The following TBX5 variants were observed in gnomAD, a reference collection of about 807,000 sequenced individuals.
TBX5 encodes the protein T-box transcription factor 5, also known as T-box transcription factor TBX5.
A neutral mutation model predicts 51.1 loss-of-function variants in TBX5; 8 were observed. That is an observed-to-expected ratio of 0.16 (90% CI 0.09 to 0.28). The LOEUF (loss-of-function observed/expected upper bound fraction) is 0.28, where lower values mean the gene tolerates loss of function less well. Among genes scored for constraint, TBX5 ranks in the 10% least tolerant of loss-of-function variants. The pLI is 1.00. For missense variants in TBX5, 589 were observed against 671.7 expected, an observed-to-expected ratio of 0.88 and a Z score of 1.36; for synonymous variants, 302 against 266.4, an observed-to-expected ratio of 1.13 and a Z score of -1.30.
Position 114,403,879 on chromosome 12 carries a change from C to T in TBX5, c.20G>A (p.Gly7Asp), listed in dbSNP as rs751312844. The change falls in exon 2 of 9, where the codon GGC (glycine) becomes GAC (aspartate). Residue 7 changes from glycine to aspartate, a missense_variant. Around this residue, in one of 7 missense-constraint regions of TBX5, gnomAD observed 101 missense variants for 83.3 expected, o/e 1.21. Coordinates refer to ENST00000405440, the MANE Select transcript of TBX5 (RefSeq NM_181486.4). MADADE[G>D]FGLAHTPLEP... ...CAGAGGCGTGTGCGCCAGGCCAAAGCCCTCGTCTGCGTCGGCCATGGTGCG... is the reference window on the plus strand; with the variant it reads ...CAGAGGCGTGTGCGCCAGGCCAAAGTCCTCGTCTGCGTCGGCCATGGTGCG... The T allele has an allele frequency of 6.2e-7, 1 of 1,613,188 alleles. No individual in the cohort carries two copies. Among genetic ancestry groups the T allele is most frequent in the South Asian group, 1.1e-5 (1 of 91,070 alleles).
At chr12:114,361,666 A>G (rs1869248846) in intron 8 of TBX5, among the ~76,000 whole-genome samples, 1 of 152,212 alleles carries the variant, frequency 6.6e-6, no homozygotes, top group South Asian at 2.1e-4. Context: ...AAGGAGACAG[A>G]CAATGAGGGG....
intron 3 of TBX5, among the ~76,000 whole-genome samples, chr12:114,400,633 G>T (rs964762872): frequency 1.3e-5 from 2 of 152,192 alleles, no homozygotes; most frequent in Admixed American, 1.3e-4. Context: ...GAGCGAGCGC[G>T]CCCGGAGGCG....
intron 7 of TBX5, among the ~76,000 whole-genome samples, chr12:114,381,375 G>T (rs368505471): frequency 6.6e-6 from 1 of 152,104 alleles, no homozygotes; most frequent in Non-Finnish European, 1.5e-5. Context: ...TGAGCCTGCC[G>T]TTCCTGCCTG....
rs761842850 is a variant in TBX5, at chr12:114,398,648, C to T, written c.435G>A (p.Gly145=). 6.2e-7 allele frequency: 1 copy of T among 1,613,444 alleles called. No homozygotes were observed. The highest frequency in any genetic ancestry group is 1.1e-5 in the South Asian group (1 of 90,752). ...LYVHPDSPAT[G]AHWMRQLVSF... ...AGACGAGCTGCCTCATCCAATGCGC[C>T]CCGGTGGCGGGGGAGTCTGGGTGCA... The change falls in exon 5 of 9, where the codon GGG becomes GGA. Residue 145 remains glycine, a synonymous_variant. Transcript: ENST00000405440.
intron 8 of TBX5, among the ~76,000 whole-genome samples, chr12:114,365,843 A>AG (rs1191961927): frequency 2.6e-4 from 39 of 151,214 alleles, no homozygotes; most frequent in African/African-American, 8.7e-4. Flanking sequence ...AAAAAAAAAA[A>AG]AAGAAAAAAA....
At chr12:114,405,351 C>T (rs988052393) in intron 1 of TBX5, among the ~76,000 whole-genome samples, 1 of 152,196 alleles carries the variant, frequency 6.6e-6, no homozygotes, top group African/African-American at 2.4e-5. Context: ...TACCCCGCGC[C>T]CTCGCCAGGG....
At chr12:114,402,019 G>A (rs567634329) in intron 2 of TBX5, 99 bp from the exon 3 acceptor site, 17 of 1,063,976 alleles carry the variant, frequency 1.6e-5, no homozygotes, top group African/African-American at 1.2e-4. Flanking sequence ...CCTCCTTCCC[G>A]CTGGAGCCTG....
chr12:114,400,477 C>A (rs74461056), intron 3 of TBX5, among the ~76,000 whole-genome samples: 6,243 of 152,326 alleles, frequency 0.041, 438 homozygotes, highest in African/African-American at 0.14. Context: ...GAGGAACATG[C>A]CCCAGAAAGC....
chr12:114,395,504 A>G (rs1015285719), intron 5 of TBX5, among the ~76,000 whole-genome samples: 1 of 152,148 alleles, frequency 6.6e-6, no homozygotes, highest in Non-Finnish European at 1.5e-5. Flanking sequence ...AGTTCGTGAA[A>G]AGAGAAGATA....
chr12:114,400,721 G>T (rs367732059), intron 3 of TBX5, among the ~76,000 whole-genome samples: 2 of 152,348 alleles, frequency 1.3e-5, no homozygotes, highest in East Asian at 3.9e-4. Flanking sequence ...GGACTCGGAC[G>T]TGTCTTTCCT....
chr12:114,376,516 A>G (rs768839833), intron 7 of TBX5, among the ~76,000 whole-genome samples: 2 of 152,154 alleles, frequency 1.3e-5, no homozygotes, highest in Admixed American at 1.3e-4. Context: ...GATATAGGTC[A>G]AAGGCATTTG....
chr12:114,388,512 C>CTGT (rs1593869349), intron 6 of TBX5, among the ~76,000 whole-genome samples: 1 of 152,092 alleles, frequency 6.6e-6, no homozygotes, highest in East Asian at 1.9e-4. Context: ...GGGTCTCACT[C>CTGT]TGTTACCCAG....
intron 8 of TBX5, among the ~76,000 whole-genome samples, chr12:114,364,722 C>T (rs1869419433): frequency 6.6e-6 from 1 of 152,174 alleles, no homozygotes; most frequent in Non-Finnish European, 1.5e-5. Flanking sequence ...CGATATCTGC[C>T]ACATACCCAA....
At chr12:114,380,726 C>A (rs563250528) in intron 7 of TBX5, among the ~76,000 whole-genome samples, 1 of 152,064 alleles carries the variant, frequency 6.6e-6, no homozygotes, top group African/African-American at 2.4e-5. Flanking sequence ...CTACTTCAGA[C>A]GCTAAGGCAG....
chr12:114,360,243 C>T (rs1869155441), intron 8 of TBX5, among the ~76,000 whole-genome samples: 1 of 152,182 alleles, frequency 6.6e-6, no homozygotes, highest in South Asian at 2.1e-4. Context: ...AAGCAGTGCT[C>T]ATTCTGACAG....
At chr12:114,386,978 C>T (rs1870851815) in intron 6 of TBX5, among the ~76,000 whole-genome samples, 1 of 151,840 alleles carries the variant, frequency 6.6e-6, no homozygotes, top group Admixed American at 6.6e-5. Flanking sequence ...TGATGGCAGG[C>T]TCCTATAATC....
In TBX5 at chr12:114,398,704, C is replaced by A. The variant is rs1274219276; in HGVS notation, c.379G>T (p.Ala127Ser). The change falls in exon 5 of 9, where the codon GCT becomes TCT. Residue 127 changes from alanine to serine, a missense_variant. Physicochemically the swap from Ala to Ser is moderately conservative, Grantham distance 99. This residue lies in a region of TBX5 where 85 missense variants were observed against 95.6 expected (regional missense o/e 0.89). Transcript: ENST00000405440. ...AGGCGGCCAGGCATGGCGGGCTCAGCTTTGCCCGTCACAGACCTAGATGAA... is the reference window on the plus strand; with the variant it reads ...AGGCGGCCAGGCATGGCGGGCTCAGATTTGCCCGTCACAGACCTAGATGAA... ...ADNKWSVTGK[A>S]EPAMPGRLYV... The A allele has an allele frequency of 1.9e-6, 3 of 1,602,798 alleles. No homozygotes were observed. Among genetic ancestry groups the A allele is most frequent in the Admixed American group, 3.5e-5 (2 of 57,962 alleles).
In TBX5 at chr12:114,394,879, G is replaced by T. The variant is rs1242773276; in HGVS notation, c.525C>A (p.Ser175=). ...GTAATCTAGGCTGGTATTTGTGCAT[G>T]GAATTTAGAATAATCTAAAAATAAT... ...LDPFGHIILN[S]MHKYQPRLHI... Residue 175 remains serine, a synonymous_variant, in exon 6 of 9, where the codon TCC becomes TCA. Transcript: ENST00000405440. The T allele has an allele frequency of 5.6e-6, 9 of 1,613,774 alleles. No individual in the cohort carries two copies. In the Admixed American group the frequency reaches 1.5e-4, roughly 27 times the overall value.
chr12:114,356,157 C>A, intron 8 of TBX5, 51 bp from the exon 9 acceptor site: 1 of 1,571,704 alleles, frequency 6.4e-7, no homozygotes, highest in Non-Finnish European at 8.7e-7. Context: ...CACCAGGCAG[C>A]TAAAAGTGGA....
Sources: gnomAD v4.1 joint callset for allele counts (sites outside exome capture counted in the v4.1 genomes callset) on GRCh38, gnomAD v4.1.1 for gene constraint, gnomAD v4.1.1 regional missense constraint, MANE v1.5 for transcripts, NCBI Gene and HGNC (gene_info 2026-07-23, HGNC 2026-07-21) for gene names.